YEATS2: variants seen among roughly 807,000 people sequenced by gnomAD.
YEATS2 encodes the protein YEATS domain-containing protein 2.
Under a neutral mutation model 163.2 loss-of-function variants are expected in YEATS2, and 77 were observed. That is an observed-to-expected ratio of 0.47 (90% CI 0.39 to 0.57). The LOEUF (loss-of-function observed/expected upper bound fraction) is 0.57. YEATS2 is among the 20% of genes least tolerant of loss of function. YEATS2 has a pLI of 0.00. For synonymous variants in YEATS2, 631 were observed against 645.1 expected (o/e 0.98, Z 0.33); for missense variants, 1,549 against 1,729.8 (o/e 0.90, Z 1.85).
intron 15 of YEATS2, among the ~76,000 whole-genome samples, chr3:183,763,742 T>C (rs1721612721): frequency 6.6e-6 from 1 of 152,150 alleles, no homozygotes; most frequent in South Asian, 2.1e-4. Context: ...TTACCTCAAC[T>C]TTTGGCAGGT....
chr3:183,803,575 A>G, intron 26 of YEATS2: 2 of 565,860 alleles, frequency 3.5e-6, no homozygotes, highest in East Asian at 6.2e-5. Flanking sequence ...AGAGTTTTAA[A>G]TGAACTCGAG....
At chr3:183,787,859 G>T (rs2682435) in intron 20 of YEATS2, among the ~76,000 whole-genome samples, 2 of 151,066 alleles carry the variant, frequency 1.3e-5, no homozygotes, top group Admixed American at 6.6e-5. Flanking sequence ...AAAAATTAGC[G>T]GGGCGTGGTG....
chr3:183,772,184 T>C, intron 15 of YEATS2, 121 bp from the exon 16 acceptor site: 1 of 1,393,552 alleles, frequency 7.2e-7, no homozygotes, highest in Non-Finnish European at 9.9e-7. Flanking sequence ...GTAGCTTTCC[T>C]AGATGACTGA....
chr3:183,715,550 A>G (rs1451601665), intron 2 of YEATS2, among the ~76,000 whole-genome samples: 2 of 152,208 alleles, frequency 1.3e-5, no homozygotes, highest in Non-Finnish European at 2.9e-5. Flanking sequence ...ATATGTATAA[A>G]GGTGTGCTAT....
chr3:183,776,798 A>G (rs1473994462), intron 18 of YEATS2, among the ~76,000 whole-genome samples: 2 of 151,944 alleles, frequency 1.3e-5, no homozygotes, highest in Admixed American at 1.3e-4. Flanking sequence ...TTAAAAATAC[A>G]AAAATCAGTC....
At chr3:183,732,941 G>A (rs1457142425) in intron 7 of YEATS2, among the ~76,000 whole-genome samples, 1 of 151,962 alleles carries the variant, frequency 6.6e-6, no homozygotes, top group Non-Finnish European at 1.5e-5. Flanking sequence ...GCTCACTGCA[G>A]CCTCGAACTC....
Position 183,775,955 on chromosome 3 carries a change from CGG to C in YEATS2, c.2410_2411del (p.Gly804ArgfsTer123), listed in dbSNP as rs1722946475. The C allele has an allele frequency of 3.8e-6, 6 of 1,581,958 alleles. No individual in the cohort carries two copies. Among genetic ancestry groups the C allele is most frequent in the South Asian group, 1.1e-5 (1 of 89,022 alleles). On this transcript the variant is annotated frameshift_variant, in exon 18 of 31. Transcript: ENST00000305135. LOFTEE classifies it high-confidence loss of function. ...CAGCTGCCAGTGGTGGGAGTGGTGC[CGG>C]AGGAGGAGGAGGAGGAGGAGGAGGA... ...GSAASGGSGA[G>X]GGGGGGGGGG... is the part of the protein sequence containing the mutation.
At chr3:183,798,712 C>T (rs1461528697) in intron 22 of YEATS2, among the ~76,000 whole-genome samples, 179 bp from the exon 23 acceptor site, 1 of 152,170 alleles carries the variant, frequency 6.6e-6, no homozygotes, top group African/African-American at 2.4e-5. Context: ...GAAGATACAT[C>T]TCAGTTACCC....
intron 15 of YEATS2, among the ~76,000 whole-genome samples, chr3:183,764,675 C>T (rs532085205): frequency 8.5e-5 from 13 of 152,070 alleles, no homozygotes; most frequent in South Asian, 2.1e-4. Flanking sequence ...GGCGTGGTGG[C>T]GGGCGCCTGT....
chr3:183,763,219 T>G (rs1721557247), intron 15 of YEATS2, among the ~76,000 whole-genome samples: 1 of 152,160 alleles, frequency 6.6e-6, no homozygotes, highest in African/African-American at 2.4e-5. Context: ...CCAGATAGAA[T>G]AGCTAACTAC....
At chr3:183,753,755 GTAAA>G (rs1473668304) in intron 10 of YEATS2, among the ~76,000 whole-genome samples, 3 of 151,986 alleles carry the variant, frequency 2.0e-5, no homozygotes, top group Non-Finnish European at 4.4e-5. Flanking sequence ...TCAAAAATAA[GTAAA>G]TAAATAAGAT....
At position 183,803,344 on chromosome 3, in the gene YEATS2, C is replaced by T. The variant is rs770197868; in HGVS notation, c.3582+9C>T. Reference sequence around the variant, plus strand: ...AAAGGAGAGCCGCTGAGGTAACCCACATCTGCCTGTCCACTCTGGCTGCCT... The same window carrying T: ...AAAGGAGAGCCGCTGAGGTAACCCATATCTGCCTGTCCACTCTGGCTGCCT... On this transcript the variant is annotated intron_variant, in intron 26 of 30. Transcript: ENST00000305135. 2.9e-5 allele frequency: 47 copies of T among 1,608,364 alleles called. No individual in the cohort carries two copies. Among genetic ancestry groups the T allele is most frequent in the Non-Finnish European group, 3.6e-5 (42 of 1,178,156 alleles).
chr3:183,756,828 C>G (rs1249097025), intron 12 of YEATS2, 139 bp downstream of exon 12: 14 of 763,138 alleles, frequency 1.8e-5, no homozygotes, highest in Non-Finnish European at 2.6e-5. Context: ...AAAAGGAAAG[C>G]CAATACTCTT....
chr3:183,808,868 T>TA, intron 29 of YEATS2: 1 of 446,984 alleles, frequency 2.2e-6, no homozygotes, highest in Non-Finnish European at 4.1e-6. Flanking sequence ...AATAAATAAA[T>TA]AAATAGAATA....
chr3:183,697,974 G>A lies in YEATS2; in HGVS notation c.-39G>A, dbSNP rs1204439072. On this transcript the variant is annotated 5_prime_UTR_variant, in exon 1 of 31. Coordinates refer to ENST00000305135, the MANE Select transcript of YEATS2 (RefSeq NM_018023.5). ...GGCGGCCGGCGGGGCCCGCGCTGCA[G>A]CCGGAGACCCGGAGAAAGGGTGAGT... 6.6e-6 allele frequency: 1 copy of A among 151,974 alleles called. No homozygotes were observed. Among genetic ancestry groups the A allele is most frequent in the African/African-American group, 2.4e-5 (1 of 41,422 alleles). 9.4% of individuals were successfully genotyped at this position (151,974 alleles called of 1,614,324 possible).
chr3:183,716,045 T>C (rs983149952), intron 2 of YEATS2, among the ~76,000 whole-genome samples: 10 of 152,224 alleles, frequency 6.6e-5, no homozygotes, highest in East Asian at 5.8e-4. Flanking sequence ...CTGCAAGCTC[T>C]GCTTCCCCGG....
In YEATS2 at chr3:183,752,260, C is replaced by T; in HGVS notation, c.1150+7C>T. ...GATACCTCTGTGGAGAAAGGTAATA[C>T]AGCAGTTTTCCTTGCATAGCGTTGT... On this transcript the variant is annotated splice_region_variant and intron_variant, in intron 10 of 30. Coordinates refer to ENST00000305135, the MANE Select transcript of YEATS2 (RefSeq NM_018023.5). 6.2e-7 allele frequency: 1 copy of T among 1,614,102 alleles called. No individual in the cohort carries two copies.
chr3:183,796,143 C>T (rs938760629), intron 21 of YEATS2, among the ~76,000 whole-genome samples: 5 of 144,714 alleles, frequency 3.5e-5, no homozygotes, highest in Middle Eastern at 3.7e-3. Flanking sequence ...CCACCATGCC[C>T]GGCTATTTTT....
At chr3:183,703,488 C>T (rs533673967) in intron 1 of YEATS2, among the ~76,000 whole-genome samples, 2 of 152,172 alleles carry the variant, frequency 1.3e-5, no homozygotes, top group South Asian at 4.2e-4. Context: ...TTTACTTTTG[C>T]ACCAACCTAA....
Sources: allele counts gnomAD v4.1 joint callset (sites outside exome capture counted in the v4.1 genomes callset), GRCh38; gene constraint gnomAD v4.1.1; transcripts MANE v1.5; gene names NCBI Gene and HGNC (gene_info 2026-07-23, HGNC 2026-07-21).